Variants in KIRREL3 observed in about 807,000 individuals in gnomAD.
KIRREL3 encodes kirre like nephrin family adhesion molecule 3.
In KIRREL3, 36 loss-of-function variants were observed where a neutral mutation model predicts 89.7. The ratio of observed to expected loss-of-function variants is 0.40; its 90% CI spans 0.31 to 0.53. KIRREL3 has a LOEUF of 0.53. KIRREL3 is among the 20% of genes least tolerant of loss of function. The pLI, the probability that KIRREL3 is intolerant of heterozygous loss-of-function variation, is 0.49. For missense variants in KIRREL3, 864 were observed against 1,056.6 expected, an observed-to-expected ratio of 0.82 and a Z score of 2.53; for synonymous variants, 445 against 441.4, an observed-to-expected ratio of 1.01 and a Z score of -0.10.
In KIRREL3 at chr11:126,451,259, T is replaced by C. The variant is rs1298806347; in HGVS notation, c.849-2102A>G. Among the ~76,000 whole-genome samples, 3 of 142,826 alleles carry C rather than the reference T, an allele frequency of 2.1e-5. No homozygotes were observed. The East Asian group carries it at 6.5e-4, about 31-fold the overall frequency. The allele number at this position is 142,826 out of a possible 152,430, so 93.7% of individuals were successfully genotyped here. A position where few individuals can be genotyped will look rare whatever the true frequency, so the allele number is the denominator to read the frequency against. On this transcript the variant is annotated intron_variant, in intron 7 of 16. Transcript: ENST00000525144. ...TGTACATGTGTGAGCATGTGTGCATTGCTTGTGTGTCCGTGTGCATGTGTG... is the reference window on the plus strand; with the variant it reads ...TGTACATGTGTGAGCATGTGTGCATCGCTTGTGTGTCCGTGTGCATGTGTG...
At position 126,627,843 on chromosome 11, in the gene KIRREL3, C is replaced by T. The variant is rs998298323; in HGVS notation, c.56-64931G>A. Among the ~76,000 whole-genome samples, 2 of 152,120 alleles carry T rather than the reference C, an allele frequency of 1.3e-5. No homozygotes were observed. Among genetic ancestry groups the T allele is most frequent in the South Asian group, 2.1e-4 (1 of 4,826 alleles). ...GCTTGGATCTGAGCACCATGAGCCT[C>T]TCTCTCTCCCATGTGTAGTGAGAGG... is the stretch of plus-strand genomic sequence containing the variant. On this transcript the variant is annotated intron_variant, in intron 1 of 16. Transcript: ENST00000525144. The surrounding 1 kb of genome is among the most constrained non-coding windows in gnomAD (Gnocchi z 5.0).
At chr11:126,451,080 CGTGTGTGCAT>C (rs1334802265) in intron 7 of KIRREL3, among the ~76,000 whole-genome samples, 28 of 110,610 alleles carry the variant, frequency 2.5e-4, no homozygotes, top group African/African-American at 9.1e-4. Flanking sequence ...CATGTGTGTG[CGTGTGTGCAT>C]ATGTGTCCAT....
intron 1 of KIRREL3, among the ~76,000 whole-genome samples, chr11:126,732,491 T>C (rs4935987): frequency 0.42 from 64,056 of 151,972 alleles, 14,841 homozygotes; most frequent in East Asian, 0.86. Context: ...CTGGACTAGA[T>C]GACGTTTTCT....
intron 1 of KIRREL3, among the ~76,000 whole-genome samples, chr11:126,596,654 C>A (rs61901081): frequency 6.6e-6 from 1 of 152,170 alleles, no homozygotes; most frequent in Non-Finnish European, 1.5e-5. Context: ...GGCAGGCATG[C>A]GGGAGTGGGG....
chr11:126,619,304 C>G (rs1292405014), intron 1 of KIRREL3, among the ~76,000 whole-genome samples: 1 of 152,100 alleles, frequency 6.6e-6, no homozygotes, highest in African/African-American at 2.4e-5. Context: ...AGCCCAATAG[C>G]CTGGAGAGAA....
rs979425894 is a variant in KIRREL3 at position 126,909,335 on chromosome 11, C to T, written c.55+91120G>A. On this transcript the variant is annotated intron_variant, in intron 1 of 16. Coordinates refer to ENST00000525144, the MANE Select transcript of KIRREL3 (RefSeq NM_032531.4). The surrounding 1 kb of genome is among the most constrained non-coding windows in gnomAD (Gnocchi z 4.5). The stretch of plus-strand genomic sequence containing the variant: ...GATCAACTGTGGACTTCTTCACTAG[C>T]CTGAGAGTTCCTCAAGGCAAGAGAG... Among the ~76,000 whole-genome samples, 2 of 152,178 alleles carry T rather than the reference C, an allele frequency of 1.3e-5. No individual in the cohort carries two copies.
rs1262786815 is a variant in KIRREL3, at chr11:126,715,965, A to G, written c.56-153053T>C. 6.6e-6 allele frequency among the ~76,000 whole-genome samples: 1 copy of G among 152,174 alleles called. No homozygotes were observed. Among genetic ancestry groups the G allele is most frequent in the African/African-American group, 2.4e-5 (1 of 41,442 alleles). ...AATTTATCTTCAGAGAGTACCCTCC[A>G]TACACCCAATGTTAGTTCTTAGGCA... On this transcript the variant is annotated intron_variant, in intron 1 of 16. Transcript: ENST00000525144. This position sits in a 1 kb window ranked among gnomAD's most constrained non-coding sequence, Gnocchi z 4.4.
intron 1 of KIRREL3, among the ~76,000 whole-genome samples, chr11:126,659,208 T>C (rs753875308): frequency 6.6e-6 from 1 of 152,018 alleles, no homozygotes; most frequent in Non-Finnish European, 1.5e-5. Context: ...ACATGGTGAG[T>C]TTATTTATTT....
At chr11:126,597,141 C>T (rs570588206) in intron 1 of KIRREL3, among the ~76,000 whole-genome samples, 16 of 152,340 alleles carry the variant, frequency 1.1e-4, no homozygotes, top group African/African-American at 3.1e-4. Flanking sequence ...GTTCCCAGCA[C>T]GAGTTACCCA....
In KIRREL3 at chr11:126,991,270, T is replaced by C. The variant is rs557536928; in HGVS notation, c.55+9185A>G. On this transcript the variant is annotated intron_variant, in intron 1 of 16. Transcript: ENST00000525144. The surrounding 1 kb of genome is among the most constrained non-coding windows in gnomAD (Gnocchi z 5.8). ...TTCTTCTGCCTCCTGCCAGGGGCCC[T>C]CTCAGCATCTCTCCATGTGCTGATA... Among the ~76,000 whole-genome samples the C allele has an allele frequency of 6.6e-6, 1 of 152,244 alleles. No homozygotes were observed. The highest frequency in any genetic ancestry group is 2.1e-4 in the South Asian group (1 of 4,820).
At chr11:126,901,764 T>C (rs1202432037) in intron 1 of KIRREL3, among the ~76,000 whole-genome samples, 1 of 152,200 alleles carries the variant, frequency 6.6e-6, no homozygotes, top group East Asian at 1.9e-4. Flanking sequence ...AGGGCAGAGT[T>C]TGAAAATCAT....
chr11:126,431,434 C>A lies in KIRREL3; in HGVS notation c.1681G>T (p.Ala561Ser), dbSNP rs1201774578. 6.2e-7 allele frequency: 1 copy of A among 1,614,040 alleles called. No homozygotes were observed. The highest frequency in any genetic ancestry group is 8.5e-7 in the Non-Finnish European group (1 of 1,179,896). The stretch of plus-strand genomic sequence containing the variant: ...CCTCCCGTACTTCTCTGGGAACGGG[C>A]ACAGCAGAACGCCACGATGGTTGCC... ...LMATIVAFCC[A>S]RSQRNLKGVV... Residue 561 changes from alanine (A) to serine (S), a missense_variant, in exon 14 of 17, where the codon GCC becomes TCC. Coordinates refer to ENST00000525144, the MANE Select transcript of KIRREL3 (RefSeq NM_032531.4). The surrounding 1 kb of genome is among the most constrained non-coding windows in gnomAD (Gnocchi z 7.1).
In KIRREL3 at chr11:126,432,529, G is replaced by T. The variant is rs552547951; in HGVS notation, c.1589-1003C>A. 6.6e-6 allele frequency among the ~76,000 whole-genome samples: 1 copy of T among 152,218 alleles called. No homozygotes were observed. Among genetic ancestry groups the T allele is most frequent in the South Asian group, 2.1e-4 (1 of 4,828 alleles). ...ATTTGGCCAAGGACACACAGGAGCTGCCCAGCCAGGGTCAATCCAGGTCTC... is the reference window on the plus strand; with the variant it reads ...ATTTGGCCAAGGACACACAGGAGCTTCCCAGCCAGGGTCAATCCAGGTCTC... On this transcript the variant is annotated intron_variant, in intron 13 of 16. Transcript: ENST00000525144. The surrounding 1 kb of genome is among the most constrained non-coding windows in gnomAD (Gnocchi z 6.2).
chr11:126,867,178 C>A lies in KIRREL3; in HGVS notation c.55+133277G>T. Among the ~76,000 whole-genome samples, 1 of 152,364 alleles carries A rather than the reference C, an allele frequency of 6.6e-6. No individual in the cohort carries two copies. The highest frequency in any genetic ancestry group is 1.9e-4 in the East Asian group (1 of 5,188). The stretch of plus-strand genomic sequence containing the variant: ...TCCCCACAATCTGCCTGTCTGCCTG[C>A]TCCCCCCAGGGGTTTGAGCAGCGGG... On this transcript the variant is annotated intron_variant, in intron 1 of 16. Coordinates refer to ENST00000525144, the MANE Select transcript of KIRREL3 (RefSeq NM_032531.4). The surrounding 1 kb of genome is among the most constrained non-coding windows in gnomAD (Gnocchi z 4.7).
chr11:126,998,798 G>A (rs148072343), intron 1 of KIRREL3, among the ~76,000 whole-genome samples: 4 of 152,260 alleles, frequency 2.6e-5, no homozygotes, highest in African/African-American at 9.6e-5. Flanking sequence ...GCATGCACTG[G>A]TCCCATGCAA....
rs767431207 is a variant in KIRREL3, at chr11:126,811,114, TC to T, written c.55+189340del. 1.8e-4 allele frequency among the ~76,000 whole-genome samples: 28 copies of T among 152,086 alleles called. 1 individual carries two copies. The highest frequency in any genetic ancestry group is 3.8e-4 in the Non-Finnish European group (26 of 68,018). Reference sequence around the variant, plus strand: ...TGAGGGCCAAATAGGAGTGTTGACATCCCCTTCTAAGCTCCCGCAGCAGCCA... The same window carrying T: ...TGAGGGCCAAATAGGAGTGTTGACATCCCTTCTAAGCTCCCGCAGCAGCCA... On this transcript the variant is annotated intron_variant, in intron 1 of 16. Transcript: ENST00000525144. This position sits in a 1 kb window ranked among gnomAD's most constrained non-coding sequence, Gnocchi z 4.3.
rs776776697 is a variant in KIRREL3, at chr11:126,610,625, C to G, written c.56-47713G>C. ...AATCACATGGGGAGAAGGAGCCAAC[C>G]GTGCATGTCTGAAGCAGGTATTCTC... On this transcript the variant is annotated intron_variant, in intron 1 of 16. Transcript: ENST00000525144. This position sits in a 1 kb window ranked among gnomAD's most constrained non-coding sequence, Gnocchi z 4.6. 1 of 152,168 alleles carries G rather than the reference C, an allele frequency of 6.6e-6. No individual in the cohort carries two copies. The highest frequency in any genetic ancestry group is 1.5e-5 in the Non-Finnish European group (1 of 68,034). The allele number at this position is 152,168 out of a possible 1,614,324, so 9.4% of individuals were successfully genotyped here.
At position 126,553,251 on chromosome 11, in the gene KIRREL3, A is replaced by G. The variant is rs1457295852; in HGVS notation, c.133+9584T>C. ...ATGGTCAGCTGTCCAAATGCATACA[A>G]TATCTTCTGTTCCATTTTTTTTTAA... On this transcript the variant is annotated intron_variant, in intron 2 of 16. Transcript: ENST00000525144. The surrounding 1 kb of genome is among the most constrained non-coding windows in gnomAD (Gnocchi z 4.7). 6.7e-6 allele frequency among the ~76,000 whole-genome samples: 1 copy of G among 148,532 alleles called. No individual in the cohort carries two copies. The highest frequency in any genetic ancestry group is 1.5e-5 in the Non-Finnish European group (1 of 67,408).
In KIRREL3 at chr11:126,867,389, G is replaced by A. The variant is rs563392156; in HGVS notation, c.55+133066C>T. 2.6e-5 allele frequency among the ~76,000 whole-genome samples: 4 copies of A among 152,194 alleles called. No individual in the cohort carries two copies. The highest frequency in any genetic ancestry group is 4.8e-5 in the African/African-American group (2 of 41,528). Reference sequence around the variant, plus strand: ...GCCTTAGCCATCAGGCTTCCCATTCGGCTGTTCTCCAGCTTGGAATGCTGT... The same window carrying A: ...GCCTTAGCCATCAGGCTTCCCATTCAGCTGTTCTCCAGCTTGGAATGCTGT... On this transcript the variant is annotated intron_variant, in intron 1 of 16. Coordinates refer to ENST00000525144, the MANE Select transcript of KIRREL3 (RefSeq NM_032531.4). This position sits in a 1 kb window ranked among gnomAD's most constrained non-coding sequence, Gnocchi z 4.7.
Sources: allele counts gnomAD v4.1 joint callset (sites outside exome capture counted in the v4.1 genomes callset), GRCh38; gene constraint gnomAD v4.1.1; non-coding constraint Gnocchi (gnomAD v3.1); transcripts MANE v1.5; gene names NCBI Gene and HGNC (gene_info 2026-07-23, HGNC 2026-07-21).